The following PPARA variants were observed in gnomAD, a reference collection of about 807,000 sequenced individuals.
PPARA encodes the protein peroxisome proliferator activated receptor alpha, also known as peroxisome proliferator-activated receptor alpha.
Under a neutral mutation model 42.2 loss-of-function variants are expected in PPARA, and 22 were observed. The observed-to-expected ratio is 0.52, with a 90% CI of 0.37 to 0.74. The LOEUF (loss-of-function observed/expected upper bound fraction) is 0.74. PPARA is among the 30% of genes least tolerant of loss of function. The pLI is 0.00. For synonymous variants in PPARA, 242 were observed against 239.3 expected, an observed-to-expected ratio of 1.01 and a Z score of -0.10; for missense variants, 465 against 608.2, an observed-to-expected ratio of 0.76 and a Z score of 2.48.
chr22:46,172,540 C>G (rs1392317914), intron 2 of PPARA, among the ~76,000 whole-genome samples: 1 of 152,102 alleles, frequency 6.6e-6, no homozygotes, highest in Non-Finnish European at 1.5e-5. Context: ...ATCACTTGAA[C>G]CTGGGAGGTG....
chr22:46,174,384 C>T (rs1928686573), intron 2 of PPARA, among the ~76,000 whole-genome samples: 1 of 151,882 alleles, frequency 6.6e-6, no homozygotes, highest in African/African-American at 2.4e-5. Flanking sequence ...AGTGAAAGTA[C>T]TTCCAAATAA....
chr22:46,223,100 G>A (rs1040882969), intron 7 of PPARA, among the ~76,000 whole-genome samples: 2 of 152,116 alleles, frequency 1.3e-5, no homozygotes, highest in Non-Finnish European at 2.9e-5. Context: ...AGGCTGCAGC[G>A]AGCCACGATC....
intron 4 of PPARA, among the ~76,000 whole-genome samples, chr22:46,207,173 A>C (rs1933396126): frequency 6.6e-6 from 1 of 151,834 alleles, no homozygotes; most frequent in South Asian, 2.1e-4. Flanking sequence ...CAGTGAGCCA[A>C]GATCACGCCA....
Position 46,150,660 on chromosome 22 carries a change from G to GGAGC in PPARA, c.-210+9_-210+10insAGCG, listed in dbSNP as rs1159635783. ...CGGCGGACCGCGGCCCAGGTGCCCG[G>GGAGC]GGGCGGGCGGGCGGGCGGGCGGGAA... is the stretch of plus-strand genomic sequence containing the variant. On this transcript the variant is annotated intron_variant, in intron 1 of 8. Coordinates refer to ENST00000407236, the MANE Select transcript of PPARA (RefSeq NM_005036.6). The surrounding 1 kb of genome is among the most constrained non-coding windows in gnomAD (Gnocchi z 7.5). 6.9e-6 allele frequency: 1 copy of GGAGC among 145,510 alleles called. No individual in the cohort carries two copies. The highest frequency in any genetic ancestry group is 1.5e-5 in the Non-Finnish European group (1 of 65,378). The allele number at this position is 145,510 out of a possible 1,614,324, so 9.0% of individuals were successfully genotyped here. A position where few individuals can be genotyped will look rare whatever the true frequency, so the allele number is the denominator to read the frequency against.
chr22:46,166,311 G>A (rs1927050321), intron 2 of PPARA, among the ~76,000 whole-genome samples: 1 of 151,966 alleles, frequency 6.6e-6, no homozygotes, highest in African/African-American at 2.4e-5. Flanking sequence ...AACCCACATG[G>A]CATTTTGTAA....
intron 2 of PPARA, chr22:46,164,627 G>A (rs73886756): frequency 0.063 from 9,594 of 152,248 alleles, 1,002 homozygotes; most frequent in African/African-American, 0.21. Context: ...GACGACAGAG[G>A]TGTTTCTCTG....
rs1253694161 is a variant in PPARA, at chr22:46,191,729, T to C, written c.-42-6613T>C. On this transcript the variant is annotated intron_variant, in intron 3 of 8. Transcript: ENST00000407236. The surrounding 1 kb of genome is among the most constrained non-coding windows in gnomAD (Gnocchi z 4.6). ...TCACAGACCATCACTGGGTTACTCC[T>C]GGAGTAAGTAATTCCCAAGAGCTCC... is the stretch of plus-strand genomic sequence containing the variant. Among the ~76,000 whole-genome samples the C allele has an allele frequency of 6.6e-6, 1 of 152,214 alleles. No individual in the cohort carries two copies. Among genetic ancestry groups the C allele is most frequent in the Non-Finnish European group, 1.5e-5 (1 of 68,032 alleles).
intron 2 of PPARA, among the ~76,000 whole-genome samples, chr22:46,169,229 T>G (rs1004089291): frequency 5.9e-5 from 9 of 151,912 alleles, no homozygotes; most frequent in Non-Finnish European, 1.0e-4. Context: ...TGGCAACAAA[T>G]GTACCTCACC....
intron 3 of PPARA, among the ~76,000 whole-genome samples, chr22:46,178,630 A>T (rs1446038186): frequency 1.3e-5 from 2 of 152,202 alleles, no homozygotes; most frequent in East Asian, 3.9e-4. Context: ...CTACCAAAGT[A>T]CTTCTTGGTG....
chr22:46,198,658 CTTTTTTTT>C (rs777398787), intron 4 of PPARA, 67 bp downstream of exon 4: 12 of 843,738 alleles, frequency 1.4e-5, no homozygotes, highest in African/African-American at 1.3e-4. Flanking sequence ...ACTGTTCTCT[CTTTTTTTT>C]TTTTTTTTTT....
intron 4 of PPARA, among the ~76,000 whole-genome samples, chr22:46,214,659 C>T (rs755706098): frequency 2.3e-4 from 30 of 132,136 alleles, no homozygotes; most frequent in Non-Finnish European, 3.8e-4. Context: ...CGGGGATCCA[C>T]GGGTCCGGAG....
chr22:46,154,931 C>T (rs896482691), intron 2 of PPARA: 23 of 144,712 alleles, frequency 1.6e-4, no homozygotes, highest in African/African-American at 6.0e-4. Flanking sequence ...GCCTCGGCCT[C>T]CCATAGTGCT....
chr22:46,214,434 G>A (rs989017102), intron 4 of PPARA, among the ~76,000 whole-genome samples: 1 of 151,866 alleles, frequency 6.6e-6, no homozygotes, highest in African/African-American at 2.4e-5. Flanking sequence ...AGATGTGGAG[G>A]GCTAGGAGAT....
chr22:46,154,821 A>G (rs1428460622), intron 2 of PPARA, among the ~76,000 whole-genome samples: 1 of 150,314 alleles, frequency 6.7e-6, no homozygotes, highest in African/African-American at 2.4e-5. Context: ...CCACAGGCAC[A>G]CGCCACCAGG....
At chr22:46,189,164 A>G (rs550213416) in intron 3 of PPARA, among the ~76,000 whole-genome samples, 8 of 152,364 alleles carry the variant, frequency 5.3e-5, no homozygotes, top group African/African-American at 1.4e-4. Context: ...CGGACACAAA[A>G]TGTGTCCAAA....
At position 46,169,626 on chromosome 22, in the gene PPARA, C is replaced by G. The variant is rs75285474; in HGVS notation, c.-126-7127C>G. The stretch of plus-strand genomic sequence containing the variant: ...ACTTTCCACTCAATTTTTCTGTAAG[C>G]CCAAAACTTCTCTAAATAAGAAAGT... On this transcript the variant is annotated intron_variant, in intron 2 of 8. Transcript: ENST00000407236. Among the ~76,000 whole-genome samples, 570 of 151,984 alleles carry G rather than the reference C, an allele frequency of 3.8e-3. 7 individuals are homozygous for G. The highest frequency in any genetic ancestry group is 0.013 in the African/African-American group (543 of 41,524).
At chr22:46,174,429 A>C (rs943250453) in intron 2 of PPARA, among the ~76,000 whole-genome samples, 2 of 152,070 alleles carry the variant, frequency 1.3e-5, no homozygotes, top group Admixed American at 6.6e-5. Flanking sequence ...TAAAAGAGAC[A>C]GTTTCTATGT....
In PPARA at chr22:46,231,515, C is replaced by T. The variant is rs1935869902; in HGVS notation, c.712-277C>T. On this transcript the variant is annotated intron_variant, in intron 7 of 8. Coordinates refer to ENST00000407236, the MANE Select transcript of PPARA (RefSeq NM_005036.6). This position sits in a 1 kb window ranked among gnomAD's most constrained non-coding sequence, Gnocchi z 7.7. The stretch of plus-strand genomic sequence containing the variant: ...GGATTACAGGCGTGAGCCACCATGC[C>T]CAGCCCAGTACTTCAGTTTCTTAGC... Among the ~76,000 whole-genome samples, 1 of 152,198 alleles carries T rather than the reference C, an allele frequency of 6.6e-6. No individual in the cohort carries two copies. The highest frequency in any genetic ancestry group is 1.5e-5 in the Non-Finnish European group (1 of 68,044).
Position 46,238,657 on chromosome 22 carries a change from C to A in PPARA, c.*3277C>A, listed in dbSNP as rs536001741. Reference sequence around the variant, plus strand: ...GTGAAGGCACGGCGAGGGACTCCTCCCAGACGTGCCTCTTGTGTGCCAGCT... The same window carrying A: ...GTGAAGGCACGGCGAGGGACTCCTCACAGACGTGCCTCTTGTGTGCCAGCT... On this transcript the variant is annotated 3_prime_UTR_variant, in exon 9 of 9. Transcript: ENST00000407236. This position sits in a 1 kb window ranked among gnomAD's most constrained non-coding sequence, Gnocchi z 8.3. 1.2e-4 allele frequency: 18 copies of A among 152,422 alleles called. No homozygotes were observed. The East Asian group carries it at 3.1e-3, about 26-fold the overall frequency. The allele number at this position is 152,422 out of a possible 1,614,324, so 9.4% of individuals were successfully genotyped here.
Sources: gnomAD v4.1 joint callset for allele counts (sites outside exome capture counted in the v4.1 genomes callset) on GRCh38, gnomAD v4.1.1 for gene constraint, Gnocchi (gnomAD v3.1) non-coding constraint, MANE v1.5 for transcripts, NCBI Gene and HGNC (gene_info 2026-07-23, HGNC 2026-07-21) for gene names.